Variants in NBAS observed in about 807,000 individuals in gnomAD.
NBAS encodes the protein NBAS subunit of NRZ tethering complex, also known as NAG/BC035112 fusion.
Under a neutral mutation model 302.5 loss-of-function variants are expected in NBAS, and 219 were observed. That is an observed-to-expected ratio of 0.72 (90% CI 0.65 to 0.81). The LOEUF is 0.81. Among genes scored for constraint, NBAS ranks in the 30% least tolerant of loss-of-function variants. The pLI is 0.00. For synonymous variants in NBAS, 1,118 were observed against 1,021.6 expected (o/e 1.09, Z -1.80); for missense variants, 2,932 against 2,841.6 (o/e 1.03, Z -0.72).
chr2:15,352,818 C>G (rs553132366), intron 34 of NBAS, among the ~76,000 whole-genome samples: 1 of 152,160 alleles, frequency 6.6e-6, no homozygotes, highest in Non-Finnish European at 1.5e-5. Context: ...TATCAGGAAG[C>G]TGCTGATCAC....
chr2:15,032,642 T>C, the NBAS span, among the ~76,000 whole-genome samples: 1 of 152,138 alleles, frequency 6.6e-6, no homozygotes, highest in Non-Finnish European at 1.5e-5. Context: ...CCTATCTATA[T>C]TGCAAAAAAT....
the NBAS span, among the ~76,000 whole-genome samples, chr2:15,040,249 G>A: frequency 2.0e-5 from 3 of 152,244 alleles, no homozygotes; most frequent in African/African-American, 4.8e-5. Context: ...ATTTAACCTC[G>A]CCACAGTCCA....
chr2:15,411,681 T>C (rs770574693), intron 25 of NBAS, among the ~76,000 whole-genome samples: 1 of 152,176 alleles, frequency 6.6e-6, no homozygotes, highest in Non-Finnish European at 1.5e-5. Context: ...TAAAGTCCTA[T>C]TTGTTAAAAG....
At position 15,225,396 on chromosome 2, in the gene NBAS, G is replaced by T. The variant is rs79734661; in HGVS notation, c.6237-6428C>A. On this transcript the variant is annotated intron_variant, in intron 47 of 51. Transcript: ENST00000281513. The stretch of plus-strand genomic sequence containing the variant: ...AGGGCTCAACCTCACGAAACATAAG[G>T]CCTCATGCACTGCAGGTGCTCAGAG... 5.2e-3 allele frequency among the ~76,000 whole-genome samples: 789 copies of T among 152,220 alleles called. 6 individuals are homozygous for T. Among genetic ancestry groups the T allele is most frequent in the South Asian group, 0.01 (49 of 4,816 alleles).
rs1164889973 is a variant in NBAS at position 15,353,666 on chromosome 2, C to T, written c.3976G>A (p.Glu1326Lys). ...CGAGTGGCCAAGTCCTGGTAACCTT[C>T]TGATTGTCCTAACTGGCTACAAACA... is the stretch of plus-strand genomic sequence containing the variant. ...WDVCSQLGQS[E>K]GYQDLATRQE... The change falls in exon 34 of 52, where the codon GAA becomes AAA. Residue 1326 changes from glutamate (E) to lysine (K), a missense_variant. By Grantham distance (56) the Glu-to-Lys change is moderately conservative. Transcript: ENST00000281513. 1 of 1,614,072 alleles carries T rather than the reference C, an allele frequency of 6.2e-7. No individual in the cohort carries two copies. Among genetic ancestry groups the T allele is most frequent in the Admixed American group, 1.7e-5 (1 of 60,022 alleles).
At chr2:14,964,756 G>T in the NBAS span, among the ~76,000 whole-genome samples, 7 of 151,852 alleles carry the variant, frequency 4.6e-5, no homozygotes, top group East Asian at 1.4e-3. Flanking sequence ...AAGTACACAG[G>T]ACACACTGGT....
At chr2:15,237,811 G>A (rs1477382953) in intron 45 of NBAS, among the ~76,000 whole-genome samples, 2 of 131,326 alleles carry the variant, frequency 1.5e-5, no homozygotes, top group East Asian at 4.5e-4. Flanking sequence ...GTCTCGCTCT[G>A]TCGCCCAGGC....
the NBAS span, among the ~76,000 whole-genome samples, chr2:14,907,134 G>A: frequency 6.6e-6 from 1 of 152,176 alleles, no homozygotes; most frequent in African/African-American, 2.4e-5. Context: ...GGCTGCTGTG[G>A]GGTAGAAAGG....
intron 28 of NBAS, 74 bp from the exon 29 acceptor site, chr2:15,383,391 A>AGTT: frequency 6.8e-7 from 1 of 1,464,892 alleles, no homozygotes; most frequent in East Asian, 2.3e-5. Flanking sequence ...AATGATCTAA[A>AGTT]GTTAAAAAAA....
chr2:14,918,524 G>A, the NBAS span, among the ~76,000 whole-genome samples: 1 of 152,284 alleles, frequency 6.6e-6, no homozygotes, highest in Admixed American at 6.5e-5. Context: ...TTGTACAGAG[G>A]CAAGGAGAAT....
At chr2:15,474,010 C>T in intron 15 of NBAS, 57 bp downstream of exon 15, 1 of 1,604,594 alleles carries the variant, frequency 6.2e-7, no homozygotes, top group Non-Finnish European at 8.5e-7. Context: ...AACTTTTTCT[C>T]AATAAAAGAA....
At chr2:15,452,926 C>T (rs982046193) in intron 21 of NBAS, among the ~76,000 whole-genome samples, 1 of 152,200 alleles carries the variant, frequency 6.6e-6, no homozygotes, top group Non-Finnish European at 1.5e-5. Flanking sequence ...GCACTATATT[C>T]ACAGCACTTT....
At chr2:15,143,122 C>A in the NBAS span, among the ~76,000 whole-genome samples, 10 of 152,318 alleles carry the variant, frequency 6.6e-5, no homozygotes, top group East Asian at 7.7e-4. Flanking sequence ...GATCTGGAAG[C>A]CTACTGTTAT....
the NBAS span, among the ~76,000 whole-genome samples, chr2:14,998,398 G>A: frequency 2.6e-5 from 4 of 152,184 alleles, no homozygotes; most frequent in African/African-American, 4.8e-5. Flanking sequence ...AATCTCTAGA[G>A]GCAAAGGCCC....
intron 5 of NBAS, 36 bp from the exon 6 acceptor site, chr2:15,551,572 C>T (rs767630237): frequency 2.6e-6 from 4 of 1,539,298 alleles, no homozygotes; most frequent in South Asian, 1.1e-5. Flanking sequence ...AAAGTTTTAT[C>T]GTAACACTGT....
At chr2:15,057,421 T>G in the NBAS span, among the ~76,000 whole-genome samples, 1 of 151,974 alleles carries the variant, frequency 6.6e-6, no homozygotes, top group Non-Finnish European at 1.5e-5. Context: ...AAGTTTATTC[T>G]AGGCAATTTT....
At chr2:15,202,960 T>C (rs1665948967) in intron 48 of NBAS, among the ~76,000 whole-genome samples, 1 of 152,192 alleles carries the variant, frequency 6.6e-6, no homozygotes, top group African/African-American at 2.4e-5. Flanking sequence ...TAGTGTATCA[T>C]TCAGACTCAG....
Position 15,360,428 on chromosome 2 carries a change from C to T in NBAS, c.3818-4012G>A, listed in dbSNP as rs1372523261. Among the ~76,000 whole-genome samples, 4 of 151,672 alleles carry T rather than the reference C, an allele frequency of 2.6e-5. No homozygotes were observed. The East Asian group carries it at 5.8e-4, about 22-fold the overall frequency. ...ATATTTACATAACTCACTGTAACCT[C>T]GTGAACTCCTTGGTTCAAGGCAGCC... On this transcript the variant is annotated intron_variant, in intron 32 of 51. Coordinates refer to ENST00000281513, the MANE Select transcript of NBAS (RefSeq NM_015909.4).
chr2:15,233,030 A>T (rs1667446821), intron 46 of NBAS, among the ~76,000 whole-genome samples: 2 of 151,746 alleles, frequency 1.3e-5, no homozygotes, highest in South Asian at 4.2e-4. Context: ...GAATTCTGAA[A>T]ATGCAACAGA....
Sources: allele counts gnomAD v4.1 joint callset (sites outside exome capture counted in the v4.1 genomes callset), GRCh38; gene constraint gnomAD v4.1.1; transcripts MANE v1.5; gene names NCBI Gene and HGNC (gene_info 2026-07-23, HGNC 2026-07-21).